CLYBL: variants seen among roughly 807,000 people sequenced by gnomAD.
CLYBL encodes citramalyl-CoA lyase, mitochondrial.
Under a neutral mutation model 38.9 loss-of-function variants are expected in CLYBL, and 31 were observed. That is an observed-to-expected ratio of 0.80 (90% confidence interval 0.60 to 1.08). CLYBL has a LOEUF of 1.08. Among genes scored for constraint, CLYBL ranks in the 50% least tolerant of loss-of-function variants. CLYBL has a pLI of 0.00. For synonymous variants in CLYBL, 171 were observed against 158.6 expected, an observed-to-expected ratio of 1.08 and a Z score of -0.59; for missense variants, 434 against 411.6, an observed-to-expected ratio of 1.05 and a Z score of -0.47.
intron 1 of CLYBL, among the ~76,000 whole-genome samples, chr13:99,660,432 G>A (rs925689272): frequency 2.6e-5 from 4 of 152,146 alleles, no homozygotes; most frequent in African/African-American, 7.2e-5. Flanking sequence ...TTGTACCAGC[G>A]TTTGCTCATT....
chr13:99,686,562 T>C (rs1379664097), intron 1 of CLYBL, among the ~76,000 whole-genome samples: 2 of 151,994 alleles, frequency 1.3e-5, no homozygotes, highest in East Asian at 1.9e-4. Flanking sequence ...TTTGAGTGAA[T>C]TGTTGTTGGC....
At chr13:99,889,225 A>G (rs955136087) in intron 7 of CLYBL, among the ~76,000 whole-genome samples, 4 of 152,178 alleles carry the variant, frequency 2.6e-5, no homozygotes, top group Non-Finnish European at 5.9e-5. Flanking sequence ...CTGTGCATCT[A>G]TGCTAATTTC....
intron 2 of CLYBL, among the ~76,000 whole-genome samples, chr13:99,856,413 A>G (rs972187416): frequency 6.6e-6 from 1 of 152,210 alleles, no homozygotes; most frequent in African/African-American, 2.4e-5. Context: ...TAAAAAACTG[A>G]GTGAGTTCCC....
chr13:99,662,791 G>T (rs886560636), intron 1 of CLYBL, among the ~76,000 whole-genome samples: 68 of 152,288 alleles, frequency 4.5e-4, no homozygotes, highest in African/African-American at 1.6e-3. Context: ...ACATTGTTAA[G>T]AATTAAGTAT....
intron 2 of CLYBL, among the ~76,000 whole-genome samples, chr13:99,850,910 G>A (rs73559325): frequency 0.012 from 1,753 of 152,278 alleles, 23 homozygotes; most frequent in Middle Eastern, 0.044. Flanking sequence ...TATGCTTAGC[G>A]AAATAACCAG....
intron 2 of CLYBL, among the ~76,000 whole-genome samples, chr13:99,846,281 T>A (rs1275252939): frequency 7.1e-6 from 1 of 140,816 alleles, no homozygotes; most frequent in Non-Finnish European, 1.5e-5. Context: ...AAATATTGTG[T>A]GGAGATTTTT....
At chr13:99,642,694 A>C (rs1045985336) in intron 1 of CLYBL, among the ~76,000 whole-genome samples, 6 of 152,072 alleles carry the variant, frequency 3.9e-5, no homozygotes, top group Non-Finnish European at 8.8e-5. Context: ...CTGGGGTTAC[A>C]GGCATGAGCC....
chr13:99,672,186 ATTTCTTTTTTTT>A (rs943455499), intron 1 of CLYBL, among the ~76,000 whole-genome samples: 4 of 133,926 alleles, frequency 3.0e-5, no homozygotes, highest in African/African-American at 5.0e-5. Context: ...TTCTTCGGGA[ATTTCTTTTTTTT>A]TTTCTTTTTT....
chr13:99,659,985 T>A (rs2047386072), intron 1 of CLYBL, among the ~76,000 whole-genome samples: 1 of 152,156 alleles, frequency 6.6e-6, no homozygotes. Context: ...CACGCATTTT[T>A]AAAAAAACTT....
chr13:99,843,604 CTT>C (rs60365803), intron 2 of CLYBL, among the ~76,000 whole-genome samples: 1 of 142,808 alleles, frequency 7.0e-6, no homozygotes, highest in Non-Finnish European at 1.5e-5. Context: ...AAAAATTAAT[CTT>C]TTTTTTTTTT....
At chr13:99,763,591 G>A (rs1594166768) in intron 1 of CLYBL, among the ~76,000 whole-genome samples, 3 of 102,634 alleles carry the variant, frequency 2.9e-5, no homozygotes, top group South Asian at 6.4e-4. Context: ...TCTTGCTCTT[G>A]TTGCCCAGGC....
At chr13:99,875,340 A>T (rs759419988) in intron 7 of CLYBL, among the ~76,000 whole-genome samples, 2 of 152,238 alleles carry the variant, frequency 1.3e-5, no homozygotes, top group Non-Finnish European at 2.9e-5. Context: ...ATAAAGAAAG[A>T]AAAAGGAAAG....
At chr13:99,680,979 G>A (rs1342161972) in intron 1 of CLYBL, among the ~76,000 whole-genome samples, 1 of 152,184 alleles carries the variant, frequency 6.6e-6, no homozygotes, top group African/African-American at 2.4e-5. Context: ...GATAATTTGA[G>A]TTGTCCTATA....
At chr13:99,803,812 G>A (rs763521999) in intron 2 of CLYBL, among the ~76,000 whole-genome samples, 6 of 152,146 alleles carry the variant, frequency 3.9e-5, no homozygotes, top group Admixed American at 2.6e-4. Flanking sequence ...GTAGTTCACC[G>A]TCTAGTATGG....
chr13:99,716,773 ATTTCT>A (rs777995598), intron 1 of CLYBL, among the ~76,000 whole-genome samples: 1 of 130,062 alleles, frequency 7.7e-6, no homozygotes, highest in African/African-American at 3.0e-5. Flanking sequence ...TCTTACTTTA[ATTTCT>A]TTTCTTTTCT....
intron 1 of CLYBL, among the ~76,000 whole-genome samples, chr13:99,715,365 G>A (rs2048296352): frequency 1.3e-5 from 2 of 151,646 alleles, no homozygotes; most frequent in African/African-American, 4.8e-5. Flanking sequence ...AATGGGACAG[G>A]TTAAGGTCTA....
intron 1 of CLYBL, among the ~76,000 whole-genome samples, chr13:99,648,265 T>A (rs1261887069): frequency 6.6e-6 from 1 of 152,220 alleles, no homozygotes; most frequent in African/African-American, 2.4e-5. Flanking sequence ...TTGGCAGGAC[T>A]ATGCCTTTAA....
chr13:99,650,489 T>G (rs900243681), intron 1 of CLYBL, among the ~76,000 whole-genome samples: 1 of 152,194 alleles, frequency 6.6e-6, no homozygotes, highest in African/African-American at 2.4e-5. Context: ...CCCATCTACT[T>G]TCCTCTCCTT....
chr13:99,716,169 A>ATTTTTTGTTTTTTTTTTTTTTTTTT (rs2048308556), intron 1 of CLYBL, among the ~76,000 whole-genome samples: 1 of 33,434 alleles, frequency 3.0e-5, no homozygotes, highest in Non-Finnish European at 6.1e-5. Context: ...TATTGGTGTA[A>ATTTTTTGTTTTTTTTTTTTTTTTTT]TTTTTTTTTT....
Sources: gnomAD v4.1 joint callset for allele counts (sites outside exome capture counted in the v4.1 genomes callset) on GRCh38, gnomAD v4.1.1 for gene constraint, MANE v1.5 for transcripts, NCBI Gene and HGNC (gene_info 2026-07-23, HGNC 2026-07-21) for gene names.